The following CEP128 variants were observed in gnomAD, a reference collection of about 807,000 sequenced individuals.
CEP128 encodes the protein centrosomal protein 128kDa.
In CEP128, 132 loss-of-function variants were observed where a neutral mutation model predicts 156.7. The ratio of observed to expected loss-of-function variants is 0.84; its 90% CI spans 0.73 to 0.97. The LOEUF (loss-of-function observed/expected upper bound fraction) is 0.97. Ranked by LOEUF, CEP128 falls within the 50% of genes least tolerant of loss-of-function variation. The probability of loss-of-function intolerance (pLI) is 0.00; values close to 1 mark genes in which losing one functional copy is unlikely to be tolerated. For missense variants in CEP128, 1,252 were observed against 1,281.9 expected (o/e 0.98, Z 0.36); for synonymous variants, 469 against 448.9 (o/e 1.04, Z -0.57).
At chr14:80,703,917 G>A (rs1897154316) in intron 19 of CEP128, among the ~76,000 whole-genome samples, 1 of 151,958 alleles carries the variant, frequency 6.6e-6, no homozygotes, top group Admixed American at 6.6e-5. Flanking sequence ...CTAATTTATA[G>A]CCACAGTTAC....
chr14:80,622,755 T>C (rs1196939347), intron 19 of CEP128, among the ~76,000 whole-genome samples: 1 of 150,566 alleles, frequency 6.6e-6, no homozygotes, highest in Non-Finnish European at 1.5e-5. Flanking sequence ...AAAACCACAA[T>C]GAGATACCAT....
chr14:80,757,414 A>G (rs1899721951), intron 17 of CEP128, among the ~76,000 whole-genome samples: 1 of 152,188 alleles, frequency 6.6e-6, no homozygotes, highest in African/African-American at 2.4e-5. Flanking sequence ...TGTCTTATCA[A>G]TGATTGTCAA....
intron 4 of CEP128, among the ~76,000 whole-genome samples, chr14:80,906,699 A>G (rs1234483740): frequency 6.6e-6 from 1 of 152,196 alleles, no homozygotes; most frequent in African/African-American, 2.4e-5. Flanking sequence ...AACAGGGAAC[A>G]TATAAAAACA....
chr14:80,540,923 A>G (rs1889727087), intron 21 of CEP128, among the ~76,000 whole-genome samples: 1 of 152,096 alleles, frequency 6.6e-6, no homozygotes. Context: ...ACACTCTCTC[A>G]CCCCAAGAGC....
chr14:80,723,959 TAAA>T (rs1489036901), intron 19 of CEP128, among the ~76,000 whole-genome samples: 6 of 152,168 alleles, frequency 3.9e-5, no homozygotes, highest in Non-Finnish European at 1.5e-5. Context: ...TCCATCATCA[TAAA>T]ACAGAACCCA....
chr14:80,795,765 C>T (rs1294691651), intron 13 of CEP128, among the ~76,000 whole-genome samples: 1 of 152,146 alleles, frequency 6.6e-6, no homozygotes, highest in Admixed American at 6.5e-5. Flanking sequence ...ATTGGGCAGG[C>T]AGTTAATGCA....
At chr14:80,586,136 T>C (rs1595048054) in intron 19 of CEP128, among the ~76,000 whole-genome samples, 1 of 151,922 alleles carries the variant, frequency 6.6e-6, no homozygotes, top group South Asian at 2.1e-4. Context: ...AGAAGTACAA[T>C]TCTGTCTTAT....
chr14:80,656,121 T>C (rs933959990), intron 19 of CEP128, among the ~76,000 whole-genome samples: 1 of 151,192 alleles, frequency 6.6e-6, no homozygotes, highest in Non-Finnish European at 1.5e-5. Flanking sequence ...CAAAAGCCTA[T>C]CAAACAACAG....
intron 19 of CEP128, among the ~76,000 whole-genome samples, chr14:80,707,249 T>G (rs1033224062): frequency 2.0e-5 from 3 of 152,176 alleles, no homozygotes; most frequent in African/African-American, 4.8e-5. Flanking sequence ...GTTTATCATG[T>G]GGGTCTTCAC....
intron 19 of CEP128, among the ~76,000 whole-genome samples, chr14:80,741,486 A>G (rs914682818): frequency 6.6e-6 from 1 of 152,144 alleles, no homozygotes; most frequent in Non-Finnish European, 1.5e-5. Flanking sequence ...CCAAATTCCA[A>G]ATTTCCAGAC....
chr14:80,768,633 G>A (rs1367018800), intron 16 of CEP128, among the ~76,000 whole-genome samples: 5 of 152,114 alleles, frequency 3.3e-5, no homozygotes, highest in African/African-American at 7.2e-5. Context: ...ATAGAAAAAC[G>A]GGATGGCATA....
intron 2 of CEP128, among the ~76,000 whole-genome samples, chr14:80,950,727 A>G (rs1239863446): frequency 1.3e-5 from 2 of 152,172 alleles, no homozygotes; most frequent in Admixed American, 6.5e-5. Flanking sequence ...AAAATCATAG[A>G]TGCAGAAATG....
chr14:80,902,290 A>G (rs12885049), intron 6 of CEP128, among the ~76,000 whole-genome samples: 15,036 of 152,272 alleles, frequency 0.099, 1,249 homozygotes, highest in East Asian at 0.43. Context: ...TGACAGAGAC[A>G]TTAAATAAAC....
chr14:80,605,825 T>G (rs117906301), intron 19 of CEP128, among the ~76,000 whole-genome samples: 7 of 152,064 alleles, frequency 4.6e-5, no homozygotes, highest in Non-Finnish European at 8.8e-5. Context: ...ATTTTAGTGG[T>G]TTTAGTCCCT....
chr14:80,821,261 T>A (rs371382183), intron 13 of CEP128, among the ~76,000 whole-genome samples: 2 of 152,170 alleles, frequency 1.3e-5, no homozygotes, highest in African/African-American at 4.8e-5. Context: ...TGATATGCTA[T>A]CAAGTTGAAA....
rs1197705108 is a variant in CEP128 at position 80,557,391 on chromosome 14, A to G, written c.2880+1888T>C. The stretch of plus-strand genomic sequence containing the variant: ...AAAATGATAAAATAATTTTAATCAC[A>G]ACCATTTTACAGATGAAGGAAACAA... On this transcript the variant is annotated intron_variant, in intron 21 of 24. Transcript: ENST00000555265. 8.5e-5 allele frequency among the ~76,000 whole-genome samples: 13 copies of G among 152,342 alleles called. No homozygotes were observed. In the East Asian group the frequency reaches 2.5e-3, roughly 29 times the overall value.
chr14:80,787,567 A>C (rs554703521), intron 14 of CEP128, among the ~76,000 whole-genome samples: 49 of 152,286 alleles, frequency 3.2e-4, no homozygotes, highest in Admixed American at 3.1e-3. Flanking sequence ...TCCAGAAATT[A>C]GTGTGACTTC....
At position 80,626,186 on chromosome 14, in the gene CEP128, C is replaced by T. The variant is rs534916636; in HGVS notation, c.2807-45763G>A. ...GTCCTTATTAAGAGTGAGACAGGGCCGGGCGCGGTGGCTCACGCCTGTAAT... is the reference window on the plus strand; with the variant it reads ...GTCCTTATTAAGAGTGAGACAGGGCTGGGCGCGGTGGCTCACGCCTGTAAT... On this transcript the variant is annotated intron_variant, in intron 19 of 24. Transcript: ENST00000555265. 8.6e-5 allele frequency among the ~76,000 whole-genome samples: 13 copies of T among 151,948 alleles called. 1 individual carries two copies. Among genetic ancestry groups the T allele is most frequent in the East Asian group, 7.8e-4 (4 of 5,138 alleles).
intron 8 of CEP128, among the ~76,000 whole-genome samples, 159 bp from the exon 9 acceptor site, chr14:80,863,032 G>C (rs1214583308): frequency 6.6e-6 from 1 of 152,042 alleles, no homozygotes. Context: ...GAAATAGCTG[G>C]CCAAAAAGCT....
Sources: allele counts gnomAD v4.1 joint callset (sites outside exome capture counted in the v4.1 genomes callset), GRCh38; gene constraint gnomAD v4.1.1; transcripts MANE v1.5; gene names NCBI Gene and HGNC (gene_info 2026-07-23, HGNC 2026-07-21).